Variants in SLC7A11 observed in about 807,000 individuals in gnomAD.
The protein encoded by SLC7A11 is cystine/glutamate transporter.
A neutral mutation model predicts 54.5 loss-of-function variants in SLC7A11; 35 were observed. That is an observed-to-expected ratio of 0.64 (90% confidence interval 0.49 to 0.85). The LOEUF (loss-of-function observed/expected upper bound fraction) is 0.85, where lower values mean the gene tolerates loss of function less well. SLC7A11 is among the 40% of genes least tolerant of loss of function. The pLI, the probability that SLC7A11 is intolerant of heterozygous loss-of-function variation, is 0.00. For synonymous variants in SLC7A11, 230 were observed against 225.2 expected, an observed-to-expected ratio of 1.02 and a Z score of -0.19; for missense variants, 583 against 618.1, an observed-to-expected ratio of 0.94 and a Z score of 0.60.
Position 138,169,771 on chromosome 4 carries a change from A to G in SLC7A11, c.*2185T>C, listed in dbSNP as rs892807840. The G allele has an allele frequency of 2.6e-5, 4 of 152,024 alleles. No homozygotes were observed. The highest frequency in any genetic ancestry group is 4.4e-5 in the Non-Finnish European group (3 of 68,016). 9.4% of individuals were successfully genotyped at this position (152,024 alleles called of 1,614,324 possible). On this transcript the variant is annotated 3_prime_UTR_variant, in exon 12 of 12. Transcript: ENST00000280612. ...GAAAGAAATTCTTACCTCCAGCAAC[A>G]TATCATAGGGAGAGATGTGGACAAA...
At chr4:138,208,023 A>G (rs1737450769) in intron 6 of SLC7A11, among the ~76,000 whole-genome samples, 3 of 152,048 alleles carry the variant, frequency 2.0e-5, no homozygotes, top group Admixed American at 2.0e-4. Flanking sequence ...CCATTTGTAG[A>G]CCAATCTGGT....
intron 6 of SLC7A11, among the ~76,000 whole-genome samples, chr4:138,207,707 CA>C (rs1479537306): frequency 6.6e-6 from 1 of 151,940 alleles, no homozygotes; most frequent in Non-Finnish European, 1.5e-5. Context: ...GACTCCGTCT[CA>C]AAAAATAAAA....
At chr4:138,179,999 A>G (rs1736695993) in intron 10 of SLC7A11, among the ~76,000 whole-genome samples, 1 of 152,134 alleles carries the variant, frequency 6.6e-6, no homozygotes, top group African/African-American at 2.4e-5. Context: ...AAACAAATAA[A>G]TCGTGAGGTC....
chr4:138,183,703 T>C (rs564937965), intron 7 of SLC7A11, among the ~76,000 whole-genome samples: 1 of 152,152 alleles, frequency 6.6e-6, no homozygotes. Context: ...AAATTTTATA[T>C]TGAAATACAC....
intron 11 of SLC7A11, chr4:138,175,791 A>G (rs1578628011): frequency 6.6e-6 from 1 of 151,804 alleles, no homozygotes; most frequent in African/African-American, 2.4e-5. Context: ...GCCTTTCACC[A>G]TTTTCCGAGT....
chr4:138,179,778 G>A (rs1736675692), intron 10 of SLC7A11, among the ~76,000 whole-genome samples: 1 of 152,098 alleles, frequency 6.6e-6, no homozygotes, highest in Non-Finnish European at 1.5e-5. Context: ...ACTTTAATGT[G>A]GAGTCAAGAG....
chr4:138,188,978 T>C (rs1032432084), intron 6 of SLC7A11, among the ~76,000 whole-genome samples: 2 of 152,218 alleles, frequency 1.3e-5, no homozygotes, highest in Non-Finnish European at 2.9e-5. Context: ...GCATTAAGTA[T>C]GTGAGAGTCT....
chr4:138,208,348 C>G (rs530518513), intron 6 of SLC7A11, among the ~76,000 whole-genome samples: 81 of 152,150 alleles, frequency 5.3e-4, no homozygotes, highest in Non-Finnish European at 9.0e-4. Flanking sequence ...TGGAATAAGG[C>G]TAATAGACAA....
chr4:138,192,615 A>G (rs1349509794), intron 6 of SLC7A11, among the ~76,000 whole-genome samples: 1 of 152,140 alleles, frequency 6.6e-6, no homozygotes, highest in Non-Finnish European at 1.5e-5. Context: ...AGTCTATACA[A>G]GACTTAAAGT....
chr4:138,237,734 TATA>T lies in SLC7A11; in HGVS notation c.278-1286_278-1284del, dbSNP rs1287509853. Among the ~76,000 whole-genome samples the T allele has an allele frequency of 1.9e-3, 26 of 13,716 alleles. 1 individual carries two copies. The highest frequency in any genetic ancestry group is 4.0e-3 in the Admixed American group (3 of 746). 9.0% of individuals were successfully genotyped at this position (13,716 alleles called of 152,430 possible). The stretch of plus-strand genomic sequence containing the variant: ...ATATATATATATATATATATATATA[TATA>T]TTTTTTTTTTTTTTTTTTTTTTTTT... On this transcript the variant is annotated intron_variant, in intron 1 of 11. Transcript: ENST00000280612.
intron 7 of SLC7A11, 120 bp downstream of exon 7, chr4:138,185,001 T>C: frequency 9.1e-7 from 1 of 1,098,444 alleles, no homozygotes; most frequent in Non-Finnish European, 1.4e-6. Context: ...TATTCACTAT[T>C]ATTCAGGTCA....
intron 1 of SLC7A11, among the ~76,000 whole-genome samples, chr4:138,236,983 C>CTTTTTTT (rs34896335): frequency 1.6e-4 from 18 of 111,916 alleles, no homozygotes; most frequent in Non-Finnish European, 1.8e-4. Flanking sequence ...TGCAAGATTT[C>CTTTTTTT]TTTTTTTTTT....
chr4:138,232,426 A>C, intron 2 of SLC7A11, 44 bp from the exon 3 acceptor site: 1 of 1,091,422 alleles, frequency 9.2e-7, no homozygotes, highest in Non-Finnish European at 1.4e-6. Context: ...AGGGGAAAAA[A>C]CTGCATTTTC....
At chr4:138,212,130 A>T (rs1016104607) in intron 6 of SLC7A11, among the ~76,000 whole-genome samples, 6 of 151,922 alleles carry the variant, frequency 3.9e-5, no homozygotes, top group Non-Finnish European at 8.8e-5. Flanking sequence ...GATAGCATAG[A>T]TATCCCATAA....
intron 6 of SLC7A11, among the ~76,000 whole-genome samples, chr4:138,186,198 C>G (rs1211221232): frequency 6.6e-6 from 1 of 152,160 alleles, no homozygotes; most frequent in African/African-American, 2.4e-5. Flanking sequence ...CTCTCCAGTT[C>G]AGGCAACTTA....
At chr4:138,236,021 T>G (rs1313197748) in intron 2 of SLC7A11, among the ~76,000 whole-genome samples, 2 of 152,214 alleles carry the variant, frequency 1.3e-5, no homozygotes, top group Non-Finnish European at 2.9e-5. Flanking sequence ...TGAATTTTCA[T>G]GTTCATATTC....
At chr4:138,194,888 T>A (rs1380964665) in intron 6 of SLC7A11, among the ~76,000 whole-genome samples, 1 of 152,194 alleles carries the variant, frequency 6.6e-6, no homozygotes, top group African/African-American at 2.4e-5. Context: ...AGCTAATCCC[T>A]AAAGATTGTT....
At chr4:138,216,065 C>T (rs1411974319) in intron 5 of SLC7A11, among the ~76,000 whole-genome samples, 1 of 152,160 alleles carries the variant, frequency 6.6e-6, no homozygotes, top group Non-Finnish European at 1.5e-5. Context: ...GTGGGAAATC[C>T]ACCTTTACGT....
intron 3 of SLC7A11, among the ~76,000 whole-genome samples, chr4:138,227,845 A>G (rs1737980248): frequency 6.6e-6 from 1 of 152,098 alleles, no homozygotes; most frequent in Admixed American, 6.6e-5. Context: ...TCATCCTCCT[A>G]AAGTATGTGA....
Sources: allele counts gnomAD v4.1 joint callset (sites outside exome capture counted in the v4.1 genomes callset), GRCh38; gene constraint gnomAD v4.1.1; transcripts MANE v1.5; gene names NCBI Gene and HGNC (gene_info 2026-07-23, HGNC 2026-07-21).